The following PRELID2 variants were observed in gnomAD, a reference collection of about 807,000 sequenced individuals.
PRELID2 encodes the protein PRELI domain containing 2, also known as PRELI domain-containing protein 2.
In PRELID2, 25 loss-of-function variants were observed where a neutral mutation model predicts 28.4. The observed-to-expected ratio is 0.88, with a 90% CI of 0.64 to 1.23. The LOEUF is 1.23. Among genes scored for constraint, PRELID2 ranks in the 50% most tolerant of loss-of-function variants. The probability of loss-of-function intolerance (pLI) is 0.00; values close to 1 mark genes in which losing one functional copy is unlikely to be tolerated. For synonymous variants in PRELID2, 76 were observed against 71.6 expected (o/e 1.06, Z -0.31); for missense variants, 201 against 214.4 (o/e 0.94, Z 0.39).
chr5:145,600,430 A>ATATATATATATATAT (rs797007372), intron 1 of PRELID2, among the ~76,000 whole-genome samples: 3 of 125,634 alleles, frequency 2.4e-5, no homozygotes, highest in African/African-American at 1.3e-4. Flanking sequence ...GAAAAAAAAA[A>ATATATATATATATAT]AAAAATATAT....
intron 1 of PRELID2, among the ~76,000 whole-genome samples, chr5:145,638,474 A>C (rs1435157459): frequency 6.6e-6 from 1 of 152,072 alleles, no homozygotes; most frequent in African/African-American, 2.4e-5. Context: ...ATTATTTTTT[A>C]TTAATTTAGA....
chr5:145,439,350 G>A, the PRELID2 span, among the ~76,000 whole-genome samples: 1 of 151,988 alleles, frequency 6.6e-6, no homozygotes, highest in Non-Finnish European at 1.5e-5. Context: ...GAGCTAAGTG[G>A]CCTTCACATG....
At chr5:145,389,730 GA>G in the PRELID2 span, among the ~76,000 whole-genome samples, 1 of 152,184 alleles carries the variant, frequency 6.6e-6, no homozygotes, top group Admixed American at 6.5e-5. Context: ...TATTGGAAAT[GA>G]AAGTTAGGTT....
the PRELID2 span, among the ~76,000 whole-genome samples, chr5:145,375,432 G>A: frequency 6.6e-6 from 1 of 152,142 alleles, no homozygotes; most frequent in African/African-American, 2.4e-5. Flanking sequence ...GACAATCCTT[G>A]TTGGAGGGTC....
intron 1 of PRELID2, among the ~76,000 whole-genome samples, chr5:145,736,317 G>A (rs1162957666): frequency 6.6e-6 from 1 of 152,134 alleles, no homozygotes; most frequent in Non-Finnish European, 1.5e-5. Flanking sequence ...TTGTCAGCCT[G>A]TCTTATTTAT....
intron 1 of PRELID2, among the ~76,000 whole-genome samples, chr5:145,708,135 G>C (rs1383169225): frequency 6.6e-6 from 1 of 152,072 alleles, no homozygotes; most frequent in Admixed American, 6.6e-5. Context: ...GGGGTAGAGA[G>C]AACAGGCCCG....
chr5:145,290,130 G>C, the PRELID2 span, among the ~76,000 whole-genome samples: 1 of 152,126 alleles, frequency 6.6e-6, no homozygotes, highest in Non-Finnish European at 1.5e-5. Context: ...GGAGAAATAG[G>C]AACGCTTTTA....
intron 2 of PRELID2, among the ~76,000 whole-genome samples, chr5:145,821,446 C>T (rs144863101): frequency 1.9e-4 from 29 of 152,018 alleles, no homozygotes; most frequent in African/African-American, 6.5e-4. Flanking sequence ...TTTTGTTCTG[C>T]GGTGAAGTTT....
At chr5:145,755,958 C>G (rs534694738), downstream of PRELID2, among the ~76,000 whole-genome samples, 2 of 152,136 alleles carry the variant, frequency 1.3e-5, no homozygotes, top group African/African-American at 2.4e-5. Context: ...AGGATAAATA[C>G]GAAACAGAAA....
chr5:145,292,340 C>G, the PRELID2 span, among the ~76,000 whole-genome samples: 30 of 152,094 alleles, frequency 2.0e-4, no homozygotes, highest in South Asian at 6.3e-3. Flanking sequence ...ATATGAGTTT[C>G]TGCTCTACGG....
At chr5:145,241,375 A>C in the PRELID2 span, among the ~76,000 whole-genome samples, 1 of 152,028 alleles carries the variant, frequency 6.6e-6, no homozygotes, top group African/African-American at 2.4e-5. Flanking sequence ...CTGGATGTAT[A>C]AATGACTATG....
downstream of PRELID2, among the ~76,000 whole-genome samples, chr5:145,471,589 A>C (rs1158914352): frequency 7.9e-5 from 12 of 151,720 alleles, no homozygotes; most frequent in East Asian, 1.9e-4. Flanking sequence ...TCTAACACAC[A>C]CATTTTTTTT....
chr5:145,480,697 T>C (rs1249265233), intron 1 of PRELID2, among the ~76,000 whole-genome samples: 1 of 151,904 alleles, frequency 6.6e-6, no homozygotes, highest in African/African-American at 2.4e-5. Context: ...CCTAAGACTT[T>C]GTTAAGTGAT....
At chr5:145,248,654 G>A in the PRELID2 span, among the ~76,000 whole-genome samples, 1 of 151,860 alleles carries the variant, frequency 6.6e-6, no homozygotes, top group Non-Finnish European at 1.5e-5. Context: ...AAAATTAGCT[G>A]GGCATGGTGG....
chr5:145,349,606 A>G, the PRELID2 span, among the ~76,000 whole-genome samples: 1 of 152,158 alleles, frequency 6.6e-6, no homozygotes. Flanking sequence ...CCCACTCCAC[A>G]TATACAACCA....
At chr5:145,315,957 TTAC>T in the PRELID2 span, among the ~76,000 whole-genome samples, 4 of 152,214 alleles carry the variant, frequency 2.6e-5, no homozygotes, top group African/African-American at 9.6e-5. Context: ...TCTTAATTTT[TTAC>T]TACATTTACT....
chr5:145,439,289 C>A, the PRELID2 span, among the ~76,000 whole-genome samples: 2 of 151,978 alleles, frequency 1.3e-5, no homozygotes, highest in African/African-American at 4.8e-5. Context: ...CTTTAGGAAT[C>A]GGATGATTTG....
intron 2 of PRELID2, among the ~76,000 whole-genome samples, chr5:145,821,155 GTGT>G (rs1561649798): frequency 6.8e-5 from 6 of 88,814 alleles, no homozygotes; most frequent in African/African-American, 2.2e-4. Flanking sequence ...TCTCCTGGGT[GTGT>G]GTGTGTGTGT....
At chr5:145,374,482 A>G in the PRELID2 span, among the ~76,000 whole-genome samples, 1 of 152,006 alleles carries the variant, frequency 6.6e-6, no homozygotes, top group African/African-American at 2.4e-5. Flanking sequence ...CTCATGGAGT[A>G]TCTTAGTGGT....
Sources: allele counts gnomAD v4.1 joint callset (sites outside exome capture counted in the v4.1 genomes callset), GRCh38; gene constraint gnomAD v4.1.1; transcripts MANE v1.5; gene names NCBI Gene and HGNC (gene_info 2026-07-23, HGNC 2026-07-21).